The following EPB41L3 variants were observed in gnomAD, a reference collection of about 807,000 sequenced individuals.
EPB41L3 encodes the protein erythrocyte membrane protein band 4.1 like 3, also known as band 4.1-like protein 3.
A neutral mutation model predicts 127.1 loss-of-function variants in EPB41L3; 57 were observed. The ratio of observed to expected loss-of-function variants is 0.45; its 90% CI spans 0.36 to 0.56. The LOEUF is 0.56. Among genes scored for constraint, EPB41L3 ranks in the 20% least tolerant of loss-of-function variants. The pLI, the probability that EPB41L3 is intolerant of heterozygous loss-of-function variation, is 0.00. For missense variants in EPB41L3, 1,273 were observed against 1,372.2 expected, an observed-to-expected ratio of 0.93 and a Z score of 1.14; for synonymous variants, 572 against 549.5, an observed-to-expected ratio of 1.04 and a Z score of -0.57.
intron 12 of EPB41L3, among the ~76,000 whole-genome samples, 160 bp downstream of exon 12, chr18:5,419,551 T>G (rs1330907605): frequency 2.6e-5 from 4 of 152,216 alleles, no homozygotes; most frequent in Non-Finnish European, 5.9e-5. Flanking sequence ...GAAAAAATGT[T>G]GAAACAGCAA....
Position 5,397,096 on chromosome 18 carries a change from G to A in EPB41L3, c.2803C>T (p.His935Tyr), listed in dbSNP as rs758996569. The part of the protein sequence containing the change: ...ERQEEQSAAI[H>Y]ISETLEQKPH... ...TTTTGTTCCAAAGTTTCTGAAATGT[G>A]GATGGCTGCACTCTGCTCCTCTTGT... The change falls in exon 18 of 23, where the codon CAC (histidine) becomes TAC (tyrosine). Residue 935 changes from histidine (H) to tyrosine (Y), a missense_variant. This residue lies in a region of EPB41L3 where 765 missense variants were observed against 782.9 expected (regional missense o/e 0.98). Transcript: ENST00000341928. This position sits in a 1 kb window ranked among gnomAD's most constrained non-coding sequence, Gnocchi z 4.1. The A allele has an allele frequency of 3.7e-6, 6 of 1,609,320 alleles. No individual in the cohort carries two copies. In the East Asian group the frequency reaches 1.3e-4, roughly 36 times the overall value.
At chr18:5,484,094 A>AAAAAAAAACC in intron 2 of EPB41L3, among the ~76,000 whole-genome samples, 1 of 107,026 alleles carries the variant, frequency 9.3e-6, no homozygotes, top group Non-Finnish European at 1.7e-5. Context: ...CTCAAAAAAA[A>AAAAAAAAACC]AAAAAAAAAA....
intron 5 of EPB41L3, among the ~76,000 whole-genome samples, chr18:5,439,804 T>C (rs2080404816): frequency 6.6e-6 from 1 of 152,222 alleles, no homozygotes; most frequent in Non-Finnish European, 1.5e-5. Context: ...TTGCCAGTGG[T>C]AAGGTTCATA....
At chr18:5,593,311 A>G (rs1448133543) in intron 3 of EPB41L3, among the ~76,000 whole-genome samples, 1 of 151,996 alleles carries the variant, frequency 6.6e-6, no homozygotes, top group Non-Finnish European at 1.5e-5. Flanking sequence ...TTTGAGAAAT[A>G]AAGGGAGAGA....
chr18:5,613,433 T>A (rs578041862), intron 2 of EPB41L3, among the ~76,000 whole-genome samples: 1 of 152,284 alleles, frequency 6.6e-6, no homozygotes, highest in South Asian at 2.1e-4. Context: ...CGACAAGGTA[T>A]GCTATAGTCT....
intron 3 of EPB41L3, among the ~76,000 whole-genome samples, chr18:5,474,136 C>G (rs911650354): frequency 6.6e-6 from 1 of 151,680 alleles, no homozygotes; most frequent in African/African-American, 2.4e-5. Context: ...GAGGCTGAGG[C>G]AGGAGAATGG....
At chr18:5,547,055 T>TTAC (rs979991455), upstream of EPB41L3, among the ~76,000 whole-genome samples, 9 of 151,916 alleles carry the variant, frequency 5.9e-5, no homozygotes, top group Non-Finnish European at 1.0e-4. Context: ...GTATCACCTC[T>TTAC]TACTAAGTAA....
intron 3 of EPB41L3, among the ~76,000 whole-genome samples, chr18:5,595,450 A>G (rs964300170): frequency 6.6e-6 from 1 of 152,042 alleles, no homozygotes; most frequent in African/African-American, 2.4e-5. Flanking sequence ...GCCCCTTCTT[A>G]TGCCATCCTC....
chr18:5,561,582 T>G (rs1460418211), intron 3 of EPB41L3, among the ~76,000 whole-genome samples: 3 of 152,190 alleles, frequency 2.0e-5, no homozygotes, highest in African/African-American at 7.2e-5. Flanking sequence ...CAATTAATAG[T>G]TGTAGTATGA....
At chr18:5,616,817 A>G (rs2094800412) in intron 1 of EPB41L3, among the ~76,000 whole-genome samples, 1 of 152,192 alleles carries the variant, frequency 6.6e-6, no homozygotes, top group South Asian at 2.1e-4. Context: ...GTTGATAGCT[A>G]TGGTTCATTT....
At chr18:5,468,580 G>A (rs61443091) in intron 3 of EPB41L3, among the ~76,000 whole-genome samples, 2,282 of 152,276 alleles carry the variant, frequency 0.015, 44 homozygotes, top group African/African-American at 0.052. Flanking sequence ...CACTCGACAG[G>A]ATGACCGGCC....
intron 1 of EPB41L3, among the ~76,000 whole-genome samples, chr18:5,513,700 T>G (rs2148707962): frequency 6.6e-6 from 1 of 152,356 alleles, no homozygotes; most frequent in Non-Finnish European, 1.5e-5. Flanking sequence ...AAAATGGGGA[T>G]AGTTAACATT....
At chr18:5,510,760 G>A (rs926043251) in intron 1 of EPB41L3, among the ~76,000 whole-genome samples, 6 of 152,080 alleles carry the variant, frequency 3.9e-5, no homozygotes, top group Non-Finnish European at 5.9e-5. Context: ...CACATAGTTC[G>A]CATATTTCTT....
At chr18:5,622,837 T>C (rs1220038614) in intron 1 of EPB41L3, among the ~76,000 whole-genome samples, 1 of 152,170 alleles carries the variant, frequency 6.6e-6, no homozygotes, top group Non-Finnish European at 1.5e-5. Context: ...AAGGTGAATA[T>C]GAGTCTCTGA....
chr18:5,398,776 C>A, intron 16 of EPB41L3: 1 of 399,512 alleles, frequency 2.5e-6, no homozygotes, highest in Non-Finnish European at 4.4e-6. Flanking sequence ...ACTTTTAAGA[C>A]CTCACTCTCG....
chr18:5,432,977 A>G (rs1249013083), intron 8 of EPB41L3, among the ~76,000 whole-genome samples: 1 of 152,176 alleles, frequency 6.6e-6, no homozygotes. Context: ...TCTGGCACTT[A>G]ATGAATGTGA....
chr18:5,617,437 G>A (rs1335632367), intron 1 of EPB41L3, among the ~76,000 whole-genome samples: 1 of 151,680 alleles, frequency 6.6e-6, no homozygotes, highest in Admixed American at 6.6e-5. Context: ...TCCTGCCTCA[G>A]CCTCCCAAGC....
In EPB41L3 at chr18:5,611,613, C is replaced by T. The variant is rs531638593; in HGVS notation, c.-306+727G>A. On this transcript the variant is annotated intron_variant, in intron 3 of 21. Coordinates refer to the EPB41L3 transcript ENST00000545076. ...TTTATGACATGCATACCAAGAAAAG[C>T]TTCATTAGAGAGTAGCACAATAAAT... 2.0e-5 allele frequency among the ~76,000 whole-genome samples: 3 copies of T among 152,258 alleles called. No individual in the cohort carries two copies. The East Asian group carries it at 5.8e-4, about 29-fold the overall frequency.
At chr18:5,586,565 ATT>A (rs10669405) in intron 3 of EPB41L3, among the ~76,000 whole-genome samples, 1 of 125,962 alleles carries the variant, frequency 7.9e-6, no homozygotes, top group African/African-American at 3.0e-5. Context: ...ATACATGACT[ATT>A]TTTTTTTTTT....
Sources: allele counts gnomAD v4.1 joint callset (sites outside exome capture counted in the v4.1 genomes callset), GRCh38; gene constraint gnomAD v4.1.1; regional missense constraint gnomAD v4.1.1; non-coding constraint Gnocchi (gnomAD v3.1); transcripts MANE v1.5; gene names NCBI Gene and HGNC (gene_info 2026-07-23, HGNC 2026-07-21).